ALG6: variants seen among roughly 807,000 people sequenced by gnomAD.
The protein encoded by ALG6 is ALG6 alpha-1,3-glucosyltransferase, also known as dolichyl pyrophosphate Man9GlcNAc2 alpha-1,3-glucosyltransferase.
ALG6 carries 46 observed loss-of-function variants against 66.6 expected under a neutral mutation model. The ratio of observed to expected loss-of-function variants is 0.69; its 90% CI spans 0.55 to 0.88. ALG6 has a LOEUF of 0.88. Among genes scored for constraint, ALG6 ranks in the 40% least tolerant of loss-of-function variants. The probability of loss-of-function intolerance (pLI) is 0.00; values close to 1 mark genes in which losing one functional copy is unlikely to be tolerated. For synonymous variants in ALG6, 185 were observed against 203.7 expected, an observed-to-expected ratio of 0.91 and a Z score of 0.78; for missense variants, 505 against 586.8, an observed-to-expected ratio of 0.86 and a Z score of 1.44.
At chr1:63,401,353 T>C (rs1644464181) in intron 3 of ALG6, among the ~76,000 whole-genome samples, 1 of 152,090 alleles carries the variant, frequency 6.6e-6, no homozygotes, top group Admixed American at 6.6e-5. Context: ...ATTGTGATAG[T>C]GAGGAATTGT....
At chr1:63,423,932 A>G (rs1644601442) in intron 12 of ALG6, among the ~76,000 whole-genome samples, 1 of 152,216 alleles carries the variant, frequency 6.6e-6, no homozygotes, top group Non-Finnish European at 1.5e-5. Context: ...ATTCCCACTA[A>G]TAATATATGA....
At chr1:63,370,230 A>T (rs10889417) in intron 1 of ALG6, among the ~76,000 whole-genome samples, 1 of 152,012 alleles carries the variant, frequency 6.6e-6, no homozygotes, top group Non-Finnish European at 1.5e-5. Context: ...ACGATTTGGG[A>T]TTATTCTTAA....
intron 6 of ALG6, 80 bp from the exon 7 acceptor site, chr1:63,406,982 G>A (rs1644492337): frequency 9.6e-7 from 1 of 1,039,234 alleles, no homozygotes; most frequent in Non-Finnish European, 1.5e-6. Context: ...TTGCTAATGT[G>A]TTAGATAAAA....
At chr1:63,380,774 C>A (rs1370844540) in intron 2 of ALG6, among the ~76,000 whole-genome samples, 1 of 152,162 alleles carries the variant, frequency 6.6e-6, no homozygotes, top group Non-Finnish European at 1.5e-5. Context: ...CTTAACCTGA[C>A]ATTTCTTTCA....
intron 3 of ALG6, among the ~76,000 whole-genome samples, chr1:63,397,007 G>A (rs548711488): frequency 6.6e-6 from 1 of 152,206 alleles, no homozygotes; most frequent in Admixed American, 6.6e-5. Context: ...GGCTGAATTT[G>A]CAGATCTGAA....
chr1:63,411,781 C>G (rs1644517571), intron 8 of ALG6, 145 bp from the exon 9 acceptor site: 8 of 1,117,592 alleles, frequency 7.2e-6, no homozygotes, highest in Non-Finnish European at 9.4e-6. Context: ...CTGATTTGAG[C>G]ACACTCCCAT....
At chr1:63,388,150 C>G (rs576583152) in intron 2 of ALG6, among the ~76,000 whole-genome samples, 1 of 151,646 alleles carries the variant, frequency 6.6e-6, no homozygotes, top group African/African-American at 2.4e-5. Context: ...AACTTCTGAC[C>G]TCAAGTGATC....
chr1:63,411,880 T>C lies in ALG6; in HGVS notation c.681-46T>C. 3 of 1,613,548 alleles carry C rather than the reference T, an allele frequency of 1.9e-6. No individual in the cohort carries two copies. In the South Asian group the frequency reaches 3.3e-5, roughly 18 times the overall value. On this transcript the variant is annotated intron_variant, in intron 8 of 14. Coordinates refer to ENST00000263440, the MANE Select transcript of ALG6 (RefSeq NM_013339.4). ...GAGACTCAGGTTGATTTTGCAGAAT[T>C]ACTGACCTTTCCCTATCTTACTGCC...
At chr1:63,381,556 G>GA (rs1648307833) in intron 2 of ALG6, among the ~76,000 whole-genome samples, 2 of 151,664 alleles carry the variant, frequency 1.3e-5, no homozygotes, top group Non-Finnish European at 2.9e-5. Flanking sequence ...GCTGAGGGGG[G>GA]ATCCCTTGAG....
intron 1 of ALG6, among the ~76,000 whole-genome samples, chr1:63,368,473 C>G (rs558018511): frequency 6.6e-6 from 1 of 151,966 alleles, no homozygotes; most frequent in East Asian, 1.9e-4. Context: ...AGCCTTTAGT[C>G]AACACATCCA....
rs189108521 is a variant in ALG6 at position 63,412,417 on chromosome 1, A to T, written c.816+356A>T. 2.4e-3 allele frequency among the ~76,000 whole-genome samples: 369 copies of T among 152,176 alleles called. 3 individuals are homozygous for T. Among genetic ancestry groups the T allele is most frequent in the Middle Eastern group, 0.01 (3 of 294 alleles). On this transcript the variant is annotated intron_variant, in intron 9 of 14. Transcript: ENST00000263440. ...CCTAGCTCAGGTGGCATTTTTTAGT[A>T]TGTTCCATCAATAGGTAATATTCAT...
At chr1:63,395,433 C>T (rs1002309956) in intron 2 of ALG6, among the ~76,000 whole-genome samples, 1 of 152,108 alleles carries the variant, frequency 6.6e-6, no homozygotes, top group Non-Finnish European at 1.5e-5. Flanking sequence ...TGGTGGCTGA[C>T]GCCTATAATC....
At chr1:63,382,427 T>A (rs1368661533) in intron 2 of ALG6, among the ~76,000 whole-genome samples, 1 of 151,830 alleles carries the variant, frequency 6.6e-6, no homozygotes, top group Non-Finnish European at 1.5e-5. Flanking sequence ...GGTCTCGAAC[T>A]CCTGACTTCA....
chr1:63,391,837 A>G (rs932849046), intron 2 of ALG6, among the ~76,000 whole-genome samples: 3 of 152,198 alleles, frequency 2.0e-5, no homozygotes, highest in Admixed American at 6.5e-5. Flanking sequence ...AAAATATTGA[A>G]TAAATACTGT....
Position 63,433,694 on chromosome 1 carries a change from A to C in ALG6, c.1327-3129A>C, listed in dbSNP as rs1310654526. On this transcript the variant is annotated intron_variant, in intron 14 of 14. Transcript: ENST00000263440. This position sits in a 1 kb window ranked among gnomAD's most constrained non-coding sequence, Gnocchi z 4.2. ...GGGCTCCCAGATTTATTTGTTCTTT[A>C]ATAGTTTTTGAGCACTTACTATATG... is the stretch of plus-strand genomic sequence containing the variant. 6.6e-6 allele frequency among the ~76,000 whole-genome samples: 1 copy of C among 152,192 alleles called. No individual in the cohort carries two copies. Among genetic ancestry groups the C allele is most frequent in the Admixed American group, 6.5e-5 (1 of 15,278 alleles).
intron 2 of ALG6, among the ~76,000 whole-genome samples, chr1:63,380,634 G>T (rs1013160782): frequency 6.6e-5 from 10 of 152,084 alleles, no homozygotes; most frequent in African/African-American, 2.4e-4. Flanking sequence ...CAGAGTATAG[G>T]ATAAAATACT....
chr1:63,427,329 T>C (rs11208215), intron 12 of ALG6, among the ~76,000 whole-genome samples: 51,638 of 151,776 alleles, frequency 0.34, 9,018 homozygotes, highest in East Asian at 0.48. Flanking sequence ...TTTCTTTTAG[T>C]AGTTTTCAGT....
chr1:63,376,433 G>T (rs1029005369), intron 2 of ALG6, among the ~76,000 whole-genome samples: 1 of 152,032 alleles, frequency 6.6e-6, no homozygotes, highest in Non-Finnish European at 1.5e-5. Flanking sequence ...TATCCTTGGG[G>T]TTGTTCTTTT....
At chr1:63,392,798 C>T (rs1489794108) in intron 2 of ALG6, among the ~76,000 whole-genome samples, 1 of 152,112 alleles carries the variant, frequency 6.6e-6, no homozygotes, top group Non-Finnish European at 1.5e-5. Context: ...AGTGAAGCTC[C>T]CATAGGTACA....
Sources: gnomAD v4.1 joint callset for allele counts (sites outside exome capture counted in the v4.1 genomes callset) on GRCh38, gnomAD v4.1.1 for gene constraint, Gnocchi (gnomAD v3.1) non-coding constraint, MANE v1.5 for transcripts, NCBI Gene and HGNC (gene_info 2026-07-23, HGNC 2026-07-21) for gene names.